PCYT1B: variants seen among roughly 807,000 people sequenced by gnomAD.
PCYT1B encodes the protein phosphate cytidylyltransferase 1B, choline.
A neutral mutation model predicts 26.4 loss-of-function variants in PCYT1B; 10 were observed. That is an observed-to-expected ratio of 0.38 (90% CI 0.23 to 0.64). The LOEUF (loss-of-function observed/expected upper bound fraction) is 0.64. Among genes scored for constraint, PCYT1B ranks in the 30% least tolerant of loss-of-function variants. PCYT1B has a pLI of 0.56. For synonymous variants in PCYT1B, 131 were observed against 108.4 expected (o/e 1.21, Z -1.29); for missense variants, 161 against 292.7 (o/e 0.55, Z 3.28).
intron 2 of PCYT1B, among the ~76,000 whole-genome samples, chrX:24,608,689 A>G (rs1925214574): frequency 9.0e-6 from 1 of 111,615 alleles, no homozygotes; most frequent in Admixed American, 9.5e-5. Context: ...AGAGGGACAC[A>G]CTTCAGTACA....
At chrX:24,607,616 G>A (rs1015062627) in intron 3 of PCYT1B, 129 bp downstream of exon 3, 2 of 439,518 alleles carry the variant, frequency 4.6e-6, no homozygotes, top group African/African-American at 2.5e-5. Flanking sequence ...GTGAACAAGC[G>A]AGCCAGTATG....
At chrX:24,664,881 C>T (rs1927096176) in intron 1 of PCYT1B, among the ~76,000 whole-genome samples, 1 of 111,592 alleles carries the variant, frequency 9.0e-6, no homozygotes, top group African/African-American at 3.3e-5. Context: ...TCGCTTGAAC[C>T]TGGGAGGCAG....
intron 1 of PCYT1B, among the ~76,000 whole-genome samples, chrX:24,620,499 G>A (rs1325577543): frequency 5.4e-5 from 6 of 112,100 alleles, no homozygotes; most frequent in Non-Finnish European, 1.1e-4. Context: ...TTCACTATTC[G>A]TTCTTTTTCA....
chrX:24,583,233 G>T (rs1337370879), intron 5 of PCYT1B, among the ~76,000 whole-genome samples: 1 of 111,715 alleles, frequency 9.0e-6, no homozygotes, highest in Non-Finnish European at 1.9e-5. Context: ...CCTTTCAGCT[G>T]CCATGCTGTG....
In PCYT1B at chrX:24,619,003, C is replaced by G; in HGVS notation, c.199G>C (p.Ala67Pro). Residue 67 changes from alanine (A) to proline (P), a missense_variant, in exon 2 of 8, where the codon GCC (alanine) becomes CCC (proline). Around this residue, in one of 4 missense-constraint regions of PCYT1B, gnomAD observed 51 missense variants for 51.0 expected, o/e 1.00. Transcript: ENST00000379144. ...GCCTCACCTGGTGTTCCTAAGCGGGCCTGAGCAATGGTCAGTTTTTCATGG... is the reference window on the plus strand; with the variant it reads ...GCCTCACCTGGTGTTCCTAAGCGGGGCTGAGCAATGGTCAGTTTTTCATGG... ...APHEKLTIAQARLGTPADRPV... is the reference protein window; with the variant it reads ...APHEKLTIAQPRLGTPADRPV... The G allele has an allele frequency of 8.6e-7, 1 of 1,157,376 alleles. No homozygotes were observed. Among genetic ancestry groups the G allele is most frequent in the Non-Finnish European group, 1.2e-6 (1 of 863,185 alleles).
upstream of PCYT1B, among the ~76,000 whole-genome samples, chrX:24,647,523 C>T (rs934055647): frequency 3.6e-5 from 4 of 111,849 alleles, no homozygotes; most frequent in African/African-American, 1.3e-4. Context: ...CAAAGGTCTC[C>T]GTCCTCTCTG....
intron 1 of PCYT1B, among the ~76,000 whole-genome samples, chrX:24,661,665 C>T (rs1178023171): frequency 9.0e-6 from 1 of 111,670 alleles, no homozygotes; most frequent in Non-Finnish European, 1.9e-5. Context: ...ATAGAACAAA[C>T]CTTGTTTCTT....
At chrX:24,662,798 GC>G (rs2148280986) in intron 1 of PCYT1B, among the ~76,000 whole-genome samples, 1 of 112,118 alleles carries the variant, frequency 8.9e-6, no homozygotes, top group African/African-American at 3.2e-5. Flanking sequence ...AGGTTATCCG[GC>G]CCCTTTTGTT....
At chrX:24,651,467 AAAAAAAT>A (rs1227711005), upstream of PCYT1B, among the ~76,000 whole-genome samples, 5 of 30,445 alleles carry the variant, frequency 1.6e-4, no homozygotes, top group African/African-American at 6.0e-4. Flanking sequence ...AAAAAAAAAA[AAAAAAAT>A]ATATATATAT....
intron 1 of PCYT1B, among the ~76,000 whole-genome samples, chrX:24,619,563 C>T (rs1220948193): frequency 8.9e-6 from 1 of 111,954 alleles, no homozygotes; most frequent in East Asian, 2.8e-4. Flanking sequence ...CTCACCCACA[C>T]CCAGGAGACT....
At chrX:24,665,706 C>G (rs1244139606) in intron 1 of PCYT1B, among the ~76,000 whole-genome samples, 2 of 111,829 alleles carry the variant, frequency 1.8e-5, no homozygotes, top group Admixed American at 1.9e-4. Context: ...GGAGAAAGCC[C>G]TACAAAGCTT....
chrX:24,613,103 A>C lies in PCYT1B; in HGVS notation c.218-5242T>G, dbSNP rs1181501861. Reference sequence around the variant, plus strand: ...CATCTTACCCAATGTCATACAACCAATTTACGATGATGTTTGAGTGCAAAT... The same window carrying C: ...CATCTTACCCAATGTCATACAACCACTTTACGATGATGTTTGAGTGCAAAT... On this transcript the variant is annotated intron_variant, in intron 2 of 7. Coordinates refer to ENST00000379144, the MANE Select transcript of PCYT1B (RefSeq NM_004845.5). Among the ~76,000 whole-genome samples, 5 of 111,719 alleles carry C rather than the reference A, an allele frequency of 4.5e-5. No individual in the cohort carries two copies. In the East Asian group the frequency reaches 1.4e-3, roughly 31 times the overall value.
At chrX:24,660,678 CAAAAAAA>C (rs35663098) in intron 1 of PCYT1B, among the ~76,000 whole-genome samples, 2 of 63,932 alleles carry the variant, frequency 3.1e-5, no homozygotes, top group Non-Finnish European at 5.7e-5. Flanking sequence ...AACTCTATCT[CAAAAAAA>C]AAAAAAAAAA....
intron 1 of PCYT1B, among the ~76,000 whole-genome samples, chrX:24,661,095 T>G (rs1254290108): frequency 8.9e-6 from 1 of 112,270 alleles, no homozygotes; most frequent in Non-Finnish European, 1.9e-5. Context: ...TGGAGACTCC[T>G]GACAGCCAAA....
At chrX:24,613,950 C>CAAAAAAAAAAA (rs200062439) in intron 2 of PCYT1B, among the ~76,000 whole-genome samples, 36 of 77,203 alleles carry the variant, frequency 4.7e-4, no homozygotes, top group Non-Finnish European at 7.6e-4. Context: ...AACAACCTGT[C>CAAAAAAAAAAA]AAAAAAAAAA....
At chrX:24,669,222 G>A (rs1927186646) in intron 1 of PCYT1B, among the ~76,000 whole-genome samples, 1 of 111,705 alleles carries the variant, frequency 9.0e-6, no homozygotes, top group Non-Finnish European at 1.9e-5. Context: ...TAACTACTGA[G>A]CACTTAAAAT....
At chrX:24,637,995 T>C (rs1187163494) in intron 1 of PCYT1B, among the ~76,000 whole-genome samples, 1 of 110,883 alleles carries the variant, frequency 9.0e-6, no homozygotes. Flanking sequence ...ACACCAGAGA[T>C]GAAACACAGA....
intron 3 of PCYT1B, among the ~76,000 whole-genome samples, chrX:24,606,959 T>C (rs1925158028): frequency 8.9e-6 from 1 of 112,422 alleles, no homozygotes; most frequent in African/African-American, 3.2e-5. Flanking sequence ...CAGTACTTTT[T>C]TCCCCCAGTA....
At chrX:24,606,414 G>T (rs376075701) in intron 3 of PCYT1B, among the ~76,000 whole-genome samples, 11 of 111,941 alleles carry the variant, frequency 9.8e-5, no homozygotes, top group Admixed American at 7.6e-4. Flanking sequence ...AGTAAGCAAG[G>T]GTTGGGTTCT....
Sources: gnomAD v4.1 joint callset for allele counts (sites outside exome capture counted in the v4.1 genomes callset) on GRCh38, gnomAD v4.1.1 for gene constraint, gnomAD v4.1.1 regional missense constraint, MANE v1.5 for transcripts, NCBI Gene and HGNC (gene_info 2026-07-23, HGNC 2026-07-21) for gene names.